The following METTL15 variants were observed in gnomAD, a reference collection of about 807,000 sequenced individuals.
METTL15 encodes methyltransferase 15, mitochondrial 12S rRNA N4-cytidine.
In METTL15, 34 loss-of-function variants were observed where a neutral mutation model predicts 38.3. That is an observed-to-expected ratio of 0.89 (90% CI 0.68 to 1.18). METTL15 has a LOEUF of 1.18. Ranked by LOEUF, METTL15 falls within the 50% of genes most tolerant of loss-of-function variation. The probability of loss-of-function intolerance (pLI) is 0.00; values close to 1 mark genes in which losing one functional copy is unlikely to be tolerated. For synonymous variants in METTL15, 162 were observed against 170.9 expected, an observed-to-expected ratio of 0.95 and a Z score of 0.41; for missense variants, 438 against 498.4, an observed-to-expected ratio of 0.88 and a Z score of 1.15.
At chr11:28,130,358 G>A (rs1852709269) in intron 3 of METTL15, among the ~76,000 whole-genome samples, 1 of 151,996 alleles carries the variant, frequency 6.6e-6, no homozygotes, top group African/African-American at 2.4e-5. Context: ...CTTGCGTAGG[G>A]TGATATGTGT....
chr11:28,520,277 T>A (rs1033118917), intron 6 of METTL15, among the ~76,000 whole-genome samples: 2 of 151,994 alleles, frequency 1.3e-5, no homozygotes, highest in Non-Finnish European at 2.9e-5. Flanking sequence ...AGGTTGAGGC[T>A]GCAGTGAGCC....
At chr11:28,243,685 T>C (rs1854395812) in intron 4 of METTL15, among the ~76,000 whole-genome samples, 1 of 152,124 alleles carries the variant, frequency 6.6e-6, no homozygotes, top group Admixed American at 6.5e-5. Context: ...ATATGACAAA[T>C]CATCAATTTT....
intron 6 of METTL15, among the ~76,000 whole-genome samples, chr11:28,524,215 C>A (rs144648405): frequency 9.8e-5 from 15 of 152,288 alleles, no homozygotes; most frequent in African/African-American, 3.6e-4. Context: ...TTGAAAATCA[C>A]TTCAAGACCA....
chr11:28,220,137 A>T (rs983826837), intron 4 of METTL15, among the ~76,000 whole-genome samples: 1 of 152,062 alleles, frequency 6.6e-6, no homozygotes, highest in East Asian at 1.9e-4. Context: ...TGTCTTGTTG[A>T]TCTGTCTAAT....
rs1052404975 is a variant in METTL15 at position 28,207,098 on chromosome 11, AT to A, written c.271-3961del. 1.4e-4 allele frequency among the ~76,000 whole-genome samples: 21 copies of A among 147,574 alleles called. 1 individual carries two copies. Among genetic ancestry groups the A allele is most frequent in the African/African-American group, 4.8e-4 (19 of 39,196 alleles). On this transcript the variant is annotated intron_variant, in intron 3 of 6. Transcript: ENST00000407364. ...TTCTTTTCCTAATTGAATACCTTTT[AT>A]TTCCTTCTCTTGCCTCATTGCCCTG...
At chr11:28,476,630 A>G (rs556538179) in intron 6 of METTL15, among the ~76,000 whole-genome samples, 3 of 152,344 alleles carry the variant, frequency 2.0e-5, no homozygotes, top group East Asian at 3.9e-4. Context: ...AAGAGAAACT[A>G]TATTTCCTTT....
chr11:28,241,859 C>CTAA (rs1210375204), intron 4 of METTL15, among the ~76,000 whole-genome samples: 1 of 152,156 alleles, frequency 6.6e-6, no homozygotes, highest in Non-Finnish European at 1.5e-5. Context: ...TGTCAGAAGG[C>CTAA]TAATGGGTGT....
intron 6 of METTL15, among the ~76,000 whole-genome samples, chr11:28,460,473 A>G (rs1358901002): frequency 6.6e-6 from 1 of 152,102 alleles, no homozygotes; most frequent in Non-Finnish European, 1.5e-5. Flanking sequence ...TTCCTTTAAT[A>G]TTATGAAAAT....
chr11:28,390,296 C>A (rs1196458978), intron 5 of METTL15, among the ~76,000 whole-genome samples: 1 of 150,796 alleles, frequency 6.6e-6, no homozygotes, highest in Non-Finnish European at 1.5e-5. Context: ...GACATGAAGT[C>A]CTTGCCCATG....
intron 3 of METTL15, among the ~76,000 whole-genome samples, chr11:28,174,915 CT>C (rs934731889): frequency 1.5e-3 from 228 of 147,548 alleles, no homozygotes; most frequent in African/African-American, 4.9e-3. Flanking sequence ...CTTTGGAATT[CT>C]TTTTTTTTAA....
intron 3 of METTL15, among the ~76,000 whole-genome samples, chr11:28,162,047 T>C (rs1342187014): frequency 6.6e-6 from 1 of 152,208 alleles, no homozygotes; most frequent in African/African-American, 2.4e-5. Flanking sequence ...TTTTGACTTA[T>C]TTTTTCACAT....
chr11:28,437,334 C>T (rs1590374680), intron 6 of METTL15, among the ~76,000 whole-genome samples: 1 of 152,184 alleles, frequency 6.6e-6, no homozygotes, highest in East Asian at 1.9e-4. Flanking sequence ...AACCCTAATA[C>T]ACTCACCTAG....
chr11:28,375,773 G>T (rs1049964557), intron 5 of METTL15, among the ~76,000 whole-genome samples: 17 of 151,672 alleles, frequency 1.1e-4, no homozygotes, highest in Non-Finnish European at 2.1e-4. Context: ...TGTCAATTTT[G>T]GATCTTTCCT....
At chr11:28,414,822 A>G (rs2133415657) in intron 5 of METTL15, among the ~76,000 whole-genome samples, 1 of 152,348 alleles carries the variant, frequency 6.6e-6, no homozygotes, top group East Asian at 1.9e-4. Context: ...TTACTTTTCC[A>G]AGATTATAAG....
chr11:28,346,960 CCA>C (rs1850001420), intron 3 of METTL15, among the ~76,000 whole-genome samples: 2 of 152,178 alleles, frequency 1.3e-5, no homozygotes, highest in Admixed American at 1.3e-4. Context: ...TGTTTACTAA[CCA>C]CAGATTGACA....
At chr11:28,281,352 A>T (rs1856048211) in intron 4 of METTL15, among the ~76,000 whole-genome samples, 1 of 152,116 alleles carries the variant, frequency 6.6e-6, no homozygotes, top group South Asian at 2.1e-4. Context: ...TCTAATATTT[A>T]TCTCCTGTAT....
chr11:28,140,093 C>T lies in METTL15; in HGVS notation c.270+26489C>T, dbSNP rs1210292646. The stretch of plus-strand genomic sequence containing the variant: ...GGAGGGAAGCAGGGAGGATGGGTGC[C>T]TCCGCTTGCCTTTCTGTTCCGAGCG... On this transcript the variant is annotated intron_variant, in intron 3 of 6. Coordinates refer to ENST00000407364, the MANE Select transcript of METTL15 (RefSeq NM_001113528.2). Among the ~76,000 whole-genome samples the T allele has an allele frequency of 2.0e-5, 3 of 152,266 alleles. No individual in the cohort carries two copies. The East Asian group carries it at 5.8e-4, about 30-fold the overall frequency.
intron 4 of METTL15, among the ~76,000 whole-genome samples, chr11:28,211,696 A>G (rs1353002124): frequency 1.3e-5 from 2 of 152,070 alleles, no homozygotes; most frequent in African/African-American, 4.8e-5. Context: ...ATAACTAAAG[A>G]ACTTTTTAAA....
intron 6 of METTL15, among the ~76,000 whole-genome samples, chr11:28,317,562 A>C (rs894733035): frequency 6.6e-6 from 1 of 152,316 alleles, no homozygotes; most frequent in Admixed American, 6.5e-5. Context: ...TAAAAATCTC[A>C]ATACATTTAA....
Sources: gnomAD v4.1 joint callset for allele counts (sites outside exome capture counted in the v4.1 genomes callset) on GRCh38, gnomAD v4.1.1 for gene constraint, MANE v1.5 for transcripts, NCBI Gene and HGNC (gene_info 2026-07-23, HGNC 2026-07-21) for gene names.